Variants in USH2A observed in about 807,000 individuals in gnomAD.
USH2A encodes Usher syndrome 2A (autosomal recessive, mild).
A neutral mutation model predicts 538.9 loss-of-function variants in USH2A; 443 were observed. The ratio of observed to expected loss-of-function variants is 0.82; its 90% CI spans 0.76 to 0.89. The LOEUF is 0.89. Ranked by LOEUF, USH2A falls within the 40% of genes least tolerant of loss-of-function variation. USH2A has a pLI of 0.00. For synonymous variants in USH2A, 2,413 were observed against 2,273.5 expected (o/e 1.06, Z -1.75); for missense variants, 6,633 against 6,324.8 (o/e 1.05, Z -1.65).
chr1:216,321,222 C>T (rs773449904), intron 9 of USH2A, among the ~76,000 whole-genome samples: 20 of 152,016 alleles, frequency 1.3e-4, no homozygotes, highest in South Asian at 2.1e-4. Flanking sequence ...GCTGCTGAAC[C>T]GTCTTTCATA....
At chr1:215,818,727 G>C (rs1662927728) in intron 47 of USH2A, among the ~76,000 whole-genome samples, 1 of 151,750 alleles carries the variant, frequency 6.6e-6, no homozygotes, top group Non-Finnish European at 1.5e-5. Context: ...TGAATAAAAT[G>C]ATTTAGTCTC....
At chr1:215,854,143 G>A (rs567138044) in intron 44 of USH2A, among the ~76,000 whole-genome samples, 11 of 152,284 alleles carry the variant, frequency 7.2e-5, no homozygotes, top group African/African-American at 2.4e-4. Flanking sequence ...CATGGCTTGG[G>A]AGGCCTCACA....
At chr1:215,857,870 A>G (rs1268846788) in intron 44 of USH2A, among the ~76,000 whole-genome samples, 7 of 152,136 alleles carry the variant, frequency 4.6e-5, no homozygotes, top group Non-Finnish European at 1.0e-4. Context: ...AAGTAACCCT[A>G]ATGGTGTATA....
chr1:215,885,697 T>C (rs893581495), intron 41 of USH2A, among the ~76,000 whole-genome samples: 1 of 152,242 alleles, frequency 6.6e-6, no homozygotes, highest in African/African-American at 2.4e-5. Flanking sequence ...TTTTAGTACT[T>C]ACTAATATGT....
At chr1:215,895,213 A>C (rs1163958671) in intron 40 of USH2A, among the ~76,000 whole-genome samples, 2 of 152,298 alleles carry the variant, frequency 1.3e-5, no homozygotes, top group East Asian at 3.9e-4. Flanking sequence ...GATTTACTTC[A>C]ATCAAACTCT....
intron 10 of USH2A, among the ~76,000 whole-genome samples, chr1:216,290,123 G>A (rs914999842): frequency 2.0e-5 from 3 of 152,008 alleles, no homozygotes; most frequent in East Asian, 1.9e-4. Context: ...TAAAGTGAAC[G>A]TGACTAGTGT....
intron 21 of USH2A, among the ~76,000 whole-genome samples, chr1:216,138,909 C>T (rs191307623): frequency 2.0e-5 from 3 of 148,364 alleles, no homozygotes; most frequent in Admixed American, 1.3e-4. Context: ...TTTAAATATG[C>T]ATATATTAAT....
chr1:216,028,846 G>T (rs958004866), intron 32 of USH2A, among the ~76,000 whole-genome samples: 24 of 152,040 alleles, frequency 1.6e-4, no homozygotes, highest in African/African-American at 5.3e-4. Flanking sequence ...CAAGCAATTT[G>T]GTAATAAGCT....
chr1:216,040,349 A>G (rs562445906), intron 32 of USH2A, among the ~76,000 whole-genome samples: 2 of 152,136 alleles, frequency 1.3e-5, no homozygotes, highest in East Asian at 3.9e-4. Context: ...TCTAGTCATT[A>G]TCCACAGCAA....
At chr1:216,215,551 C>A (rs749874465) in intron 15 of USH2A, among the ~76,000 whole-genome samples, 3 of 152,060 alleles carry the variant, frequency 2.0e-5, no homozygotes, top group Non-Finnish European at 2.9e-5. Context: ...ATCACTCTAG[C>A]TATGTTTTGA....
chr1:215,633,396 G>A (rs983778568), intron 70 of USH2A, among the ~76,000 whole-genome samples: 29 of 152,148 alleles, frequency 1.9e-4, no homozygotes, highest in Admixed American at 1.6e-3. Flanking sequence ...CGTGGACCTC[G>A]GAGGGCCCAC....
At chr1:216,007,069 G>C (rs1668410730) in intron 32 of USH2A, among the ~76,000 whole-genome samples, 1 of 152,064 alleles carries the variant, frequency 6.6e-6, no homozygotes, top group Non-Finnish European at 1.5e-5. Context: ...GAGATCTAAT[G>C]GTTCCATAAG....
intron 11 of USH2A, among the ~76,000 whole-genome samples, chr1:216,266,796 A>T (rs532160882): frequency 6.6e-6 from 1 of 152,222 alleles, no homozygotes; most frequent in Non-Finnish European, 1.5e-5. Context: ...CATATAGAAA[A>T]CTAAATAGAC....
intron 43 of USH2A, among the ~76,000 whole-genome samples, chr1:215,869,305 GTGA>G (rs549874378): frequency 8.0e-4 from 121 of 152,146 alleles, no homozygotes; most frequent in Admixed American, 1.0e-3. Context: ...CAACATAATA[GTGA>G]TGATAATAAT....
At chr1:216,310,954 GCTTTAAGCCCAGGTTCGCCT>G (rs1273850568) in intron 9 of USH2A, among the ~76,000 whole-genome samples, 1 of 152,124 alleles carries the variant, frequency 6.6e-6, no homozygotes, top group Non-Finnish European at 1.5e-5. Context: ...TATAGGGGGC[GCTTTAAGCCCAGGTTCGCCT>G]TGGCTTCAGT....
At position 215,878,816 on chromosome 1, in the gene USH2A, A is replaced by G. The variant is rs760514091; in HGVS notation, c.8506T>C (p.Tyr2836His). ...PLSVIPLSES[Y>H]VVISWQPPSK... ...GGTGGTTGCCAAGAAATCACAACATATGATTCACTTAGTGGAATCACAGAC... is the reference window on the plus strand; with the variant it reads ...GGTGGTTGCCAAGAAATCACAACATGTGATTCACTTAGTGGAATCACAGAC... Residue 2836 changes from tyrosine (Y) to histidine (H), a missense_variant, in exon 42 of 72, where the codon TAT (tyrosine) becomes CAT (histidine). Physicochemically the swap from Tyr to His is moderately conservative, Grantham distance 83. Transcript: ENST00000307340. 6.2e-7 allele frequency: 1 copy of G among 1,614,032 alleles called. No homozygotes were observed.
chr1:216,267,867 T>A lies in USH2A; in HGVS notation c.1972-16769A>T, dbSNP rs181781703. Among the ~76,000 whole-genome samples, 251 of 152,280 alleles carry A rather than the reference T, an allele frequency of 1.6e-3. 2 individuals are homozygous for A. Among genetic ancestry groups the A allele is most frequent in the Middle Eastern group, 3.4e-3 (1 of 294 alleles). Reference sequence around the variant, plus strand: ...GATCCCACAGTATACATATTTTACATGTAGTAGATGCTCAGCAAAAGTTAT... The same window carrying A: ...GATCCCACAGTATACATATTTTACAAGTAGTAGATGCTCAGCAAAAGTTAT... On this transcript the variant is annotated intron_variant, in intron 11 of 71. Transcript: ENST00000307340.
At chr1:216,368,148 G>C (rs962371922) in intron 3 of USH2A, among the ~76,000 whole-genome samples, 2 of 151,564 alleles carry the variant, frequency 1.3e-5, no homozygotes, top group Admixed American at 1.3e-4. Flanking sequence ...CACTTTTTTG[G>C]TCACATTTGT....
intron 49 of USH2A, among the ~76,000 whole-genome samples, chr1:215,807,375 C>T (rs1001665956): frequency 2.0e-5 from 3 of 152,038 alleles, no homozygotes; most frequent in Non-Finnish European, 2.9e-5. Context: ...ACAAACTGAG[C>T]GATATTTAAT....
Sources: allele counts gnomAD v4.1 joint callset (sites outside exome capture counted in the v4.1 genomes callset), GRCh38; gene constraint gnomAD v4.1.1; transcripts MANE v1.5; gene names NCBI Gene and HGNC (gene_info 2026-07-23, HGNC 2026-07-21).